EZH2: variants seen among roughly 807,000 people sequenced by gnomAD.
The protein encoded by EZH2 is enhancer of zeste 2 polycomb repressive complex 2 subunit, also known as histone-lysine N-methyltransferase EZH2.
A neutral mutation model predicts 98.4 loss-of-function variants in EZH2; 18 were observed. That is an observed-to-expected ratio of 0.18 (90% CI 0.13 to 0.27). The LOEUF is 0.27. EZH2 is among the 10% of genes least tolerant of loss of function. The pLI, the probability that EZH2 is intolerant of heterozygous loss-of-function variation, is 1.00. For missense variants in EZH2, 470 were observed against 935.1 expected (o/e 0.50, Z 6.49); for synonymous variants, 338 against 312.3 (o/e 1.08, Z -0.87).
chr7:148,845,997 A>G (rs896880650), intron 3 of EZH2, among the ~76,000 whole-genome samples: 1 of 152,214 alleles, frequency 6.6e-6, no homozygotes, highest in African/African-American at 2.4e-5. Context: ...CTATAGAAAA[A>G]GAAATTCCAA....
Position 148,815,684 on chromosome 7 carries a change from AT to A in EZH2, c.1506-139del. ...AAGAGTCATGCCCTGCCCAGTTTAT[AT>A]TTGCCATCAGTTTGAAGCAACTCAA... On this transcript the variant is annotated intron_variant, in intron 12 of 19. Transcript: ENST00000320356. The A allele has an allele frequency of 1.9e-5, 14 of 753,494 alleles. No homozygotes were observed. In the South Asian group the frequency reaches 2.3e-4, roughly 12 times the overall value. 46.7% of individuals were successfully genotyped at this position (753,494 alleles called of 1,614,324 possible). A position where few individuals can be genotyped will look rare whatever the true frequency, so the allele number is the denominator to read the frequency against.
chr7:148,839,614 G>A (rs556397377), intron 3 of EZH2, among the ~76,000 whole-genome samples: 1 of 151,260 alleles, frequency 6.6e-6, no homozygotes, highest in Non-Finnish European at 1.5e-5. Flanking sequence ...TTGTGATCTC[G>A]GCTCACTGAA....
At chr7:148,836,895 T>C (rs565962110) in intron 3 of EZH2, 17 of 511,892 alleles carry the variant, frequency 3.3e-5, no homozygotes, top group Admixed American at 9.1e-5. Context: ...AAGCCAAAAA[T>C]AGTAGTTGTA....
In EZH2 at chr7:148,832,766, T is replaced by A. The variant is rs1563254754; in HGVS notation, c.247-16A>T. The A allele has an allele frequency of 6.7e-7, 1 of 1,483,960 alleles. No homozygotes were observed. Among genetic ancestry groups the A allele is most frequent in the East Asian group, 2.3e-5 (1 of 44,078 alleles). 91.9% of individuals were successfully genotyped at this position (1,483,960 alleles called of 1,614,324 possible). A position where few individuals can be genotyped will look rare whatever the true frequency, so the allele number is the denominator to read the frequency against. On this transcript the variant is annotated splice_polypyrimidine_tract_variant and intron_variant, in intron 3 of 19. Transcript: ENST00000320356. ...TCACCGAACACTAAAACAGAAAAAA[T>A]AAAATTGACTCTTAAGAATAAAAGG...
At chr7:148,853,633 G>A (rs922432926) in intron 1 of EZH2, among the ~76,000 whole-genome samples, 2 of 152,256 alleles carry the variant, frequency 1.3e-5, no homozygotes, top group African/African-American at 4.8e-5. Context: ...ACCATCTCTA[G>A]ATTACTAAAT....
chr7:148,827,251 G>A lies in EZH2; in HGVS notation c.641C>T (p.Pro214Leu), dbSNP rs973062748. Reference protein sequence around the residue: ...EDHRDDKESRPPRKFPSDKIF... With the variant: ...EDHRDDKESRLPRKFPSDKIF... ...TTTATCAGAAGGAAATTTCCGAGGT[G>A]GGCGGCTTTCTTTATCTAAACAGGA... Residue 214 changes from proline (P) to leucine (L), a missense_variant, in exon 7 of 20, where the codon CCA becomes CTA. Pro to Leu is a moderately conservative substitution (Grantham distance 98). Around this residue, in one of 6 missense-constraint regions of EZH2, gnomAD observed 69 missense variants for 78.3 expected, o/e 0.88. Coordinates refer to ENST00000320356, the MANE Select transcript of EZH2 (RefSeq NM_004456.5). The A allele has an allele frequency of 2.5e-6, 4 of 1,613,190 alleles. No individual in the cohort carries two copies. The African/African-American group carries it at 5.3e-5, about 22-fold the overall frequency.
At chr7:148,814,784 C>A in intron 14 of EZH2, 130 bp downstream of exon 14, 1 of 1,158,732 alleles carries the variant, frequency 8.6e-7, no homozygotes. Flanking sequence ...TCAATAAATA[C>A]TTGTCAAATT....
intron 1 of EZH2, among the ~76,000 whole-genome samples, chr7:148,873,465 C>A (rs1463153660): frequency 4.6e-5 from 6 of 131,566 alleles, no homozygotes; most frequent in Admixed American, 1.8e-4. Context: ...GCACGCCAGC[C>A]TGGGTGACAG....
intron 3 of EZH2, among the ~76,000 whole-genome samples, chr7:148,833,491 A>T (rs939650485): frequency 1.6e-4 from 24 of 151,900 alleles, no homozygotes; most frequent in Non-Finnish European, 8.8e-5. Flanking sequence ...TAAAATAAAA[A>T]GAATAAGAAA....
Position 148,832,732 on chromosome 7 carries a change from A to G in EZH2, c.265T>C (p.Leu89=). The change falls in exon 4 of 20, where the codon TTG becomes CTG. Residue 89 remains leucine (L), a synonymous_variant. Coordinates refer to ENST00000320356, the MANE Select transcript of EZH2 (RefSeq NM_004456.5). Reference sequence around the variant, plus strand: ...GGGATGACTTGTGTTGGAAAATCCAAGTCACTGGTCACCGAACACTAAAAC... The same window carrying G: ...GGGATGACTTGTGTTGGAAAATCCAGGTCACTGGTCACCGAACACTAAAAC... The part of the protein sequence containing the change: ...GTRECSVTSD[L]DFPTQVIPLK... 1 of 1,608,682 alleles carries G rather than the reference A, an allele frequency of 6.2e-7. No homozygotes were observed. The highest frequency in any genetic ancestry group is 8.5e-7 in the Non-Finnish European group (1 of 1,176,598).
intron 1 of EZH2, chr7:148,850,592 C>A (rs529081347): frequency 1.0e-5 from 2 of 191,534 alleles, no homozygotes; most frequent in Non-Finnish European, 1.9e-5. Context: ...AAACTCCCAC[C>A]ATCATAGCAT....
intron 16 of EZH2, among the ~76,000 whole-genome samples, chr7:148,810,858 T>A (rs1457399435): frequency 7.4e-6 from 1 of 135,776 alleles, no homozygotes; most frequent in African/African-American, 2.9e-5. Context: ...ATCACGCCAT[T>A]GCACTCCGGC....
rs377438211 is a variant in EZH2 at position 148,808,836 on chromosome 7, G to T, written c.2195+235C>A. On this transcript the variant is annotated intron_variant, in intron 19 of 19. Coordinates refer to ENST00000320356, the MANE Select transcript of EZH2 (RefSeq NM_004456.5). ...CTCACCCAGCTGTCAACAGCAGGGTGAGAAATGGGGCTTTCTGCATGGATT... is the reference window on the plus strand; with the variant it reads ...CTCACCCAGCTGTCAACAGCAGGGTTAGAAATGGGGCTTTCTGCATGGATT... Among the ~76,000 whole-genome samples, 37 of 152,290 alleles carry T rather than the reference G, an allele frequency of 2.4e-4. No individual in the cohort carries two copies. The East Asian group carries it at 3.9e-3, about 16-fold the overall frequency.
At chr7:148,816,982 ATTC>A in intron 11 of EZH2, 1 of 597,458 alleles carries the variant, frequency 1.7e-6, no homozygotes, top group African/African-American at 1.9e-5. Context: ...CTAAATTTCA[ATTC>A]TTACTAGCTT....
At chr7:148,865,636 C>A (rs1818332998) in intron 1 of EZH2, among the ~76,000 whole-genome samples, 4 of 152,302 alleles carry the variant, frequency 2.6e-5, no homozygotes, top group Admixed American at 2.0e-4. Flanking sequence ...GGTCTTGAAC[C>A]TAAAAAGAAG....
At chr7:148,855,171 A>G (rs577040623) in intron 1 of EZH2, among the ~76,000 whole-genome samples, 1 of 152,348 alleles carries the variant, frequency 6.6e-6, no homozygotes, top group South Asian at 2.1e-4. Flanking sequence ...TTGTGTCCAT[A>G]AGGATTATTG....
intron 3 of EZH2, 104 bp from the exon 4 acceptor site, chr7:148,832,854 G>A: frequency 3.1e-6 from 2 of 641,808 alleles, no homozygotes; most frequent in Non-Finnish European, 5.2e-6. Flanking sequence ...ATTTAATTTT[G>A]AAAAAAAAGT....
chr7:148,836,364 T>C (rs1053191220), intron 3 of EZH2, among the ~76,000 whole-genome samples: 2 of 152,218 alleles, frequency 1.3e-5, no homozygotes, highest in African/African-American at 2.4e-5. Context: ...ATTCCTTTCA[T>C]TTATGAAATA....
At chr7:148,823,639 A>C (rs1297214147) in intron 8 of EZH2, among the ~76,000 whole-genome samples, 2 of 151,694 alleles carry the variant, frequency 1.3e-5, no homozygotes, top group African/African-American at 4.9e-5. Flanking sequence ...ACTTTATTGT[A>C]CACATTTTCA....
Sources: allele counts gnomAD v4.1 joint callset (sites outside exome capture counted in the v4.1 genomes callset), GRCh38; gene constraint gnomAD v4.1.1; regional missense constraint gnomAD v4.1.1; transcripts MANE v1.5; gene names NCBI Gene and HGNC (gene_info 2026-07-23, HGNC 2026-07-21).